PAPLN: variants seen among roughly 807,000 people sequenced by gnomAD.
The protein encoded by PAPLN is papilin, proteoglycan like sulfated glycoprotein.
A neutral mutation model predicts 159.0 loss-of-function variants in PAPLN; 146 were observed. The observed-to-expected ratio is 0.92, with a 90% CI of 0.80 to 1.05. The LOEUF (loss-of-function observed/expected upper bound fraction) is 1.05. Among genes scored for constraint, PAPLN ranks in the 50% least tolerant of loss-of-function variants. The pLI, the probability that PAPLN is intolerant of heterozygous loss-of-function variation, is 0.00. For synonymous variants in PAPLN, 734 were observed against 702.9 expected (o/e 1.04, Z -0.70); for missense variants, 1,720 against 1,743.9 (o/e 0.99, Z 0.24).
chr14:73,245,775 C>T lies in PAPLN; in HGVS notation c.231+79C>T. 1.3e-6 allele frequency: 2 copies of T among 1,499,230 alleles called. No individual in the cohort carries two copies. Among genetic ancestry groups the T allele is most frequent in the Middle Eastern group, 2.1e-4 (1 of 4,864 alleles). The allele number at this position is 1,499,230 out of a possible 1,614,324, so 92.9% of individuals were successfully genotyped here. A position where few individuals can be genotyped will look rare whatever the true frequency, so the allele number is the denominator to read the frequency against. On this transcript the variant is annotated intron_variant, in intron 4 of 26. Transcript: ENST00000644200. This position sits in a 1 kb window ranked among gnomAD's most constrained non-coding sequence, Gnocchi z 4.2. ...CGATTTCCCCATTGGGATGCCCGCT[C>T]CTGGCCGCGGGCTGCTGGGTTGGCC... is the stretch of plus-strand genomic sequence containing the variant.
chr14:73,263,876 T>A (rs533191918), intron 20 of PAPLN, 94 bp downstream of exon 20: 2 of 1,152,024 alleles, frequency 1.7e-6, no homozygotes, highest in South Asian at 2.7e-5. Context: ...CCTCCTCTGA[T>A]AGGTGTGACA....
At position 73,252,783 on chromosome 14, in the gene PAPLN, C is replaced by T; in HGVS notation, c.1094+8C>T. 1 of 1,613,020 alleles carries T rather than the reference C, an allele frequency of 6.2e-7. No individual in the cohort carries two copies. The highest frequency in any genetic ancestry group is 8.5e-7 in the Non-Finnish European group (1 of 1,179,886). On this transcript the variant is annotated splice_region_variant and intron_variant, in intron 11 of 26. Transcript: ENST00000644200. ...TTGCCCGGAGACCAAGCGGTGAGAC[C>T]TTGCCAGCCCCTCTACCCATGATGA...
chr14:73,266,795 T>C lies in PAPLN; in HGVS notation c.3464T>C (p.Val1155Ala). 6.2e-7 allele frequency: 1 copy of C among 1,613,650 alleles called. No homozygotes were observed. The change falls in exon 25 of 27, where the codon GTG becomes GCG. Residue 1155 changes from valine to alanine, a missense_variant. Val to Ala is a moderately conservative substitution (Grantham distance 64). Coordinates refer to ENST00000644200, the MANE Select transcript of PAPLN (RefSeq NM_001365906.3). ...PEGDTARLLC[V>A]VAGESVNIRW... ...GGTGATACGGCCAGGCTATTGTGTG[T>C]GGTAGCAGGAGAAAGTGTGAACATC... is the stretch of plus-strand genomic sequence containing the variant.
rs1400849281 is a variant in PAPLN at position 73,245,988 on chromosome 14, G to A, written c.232-85G>A. Reference sequence around the variant, plus strand: ...GATGGGGCAGGCAAGGGAGACTCCTGGGCTCCCTGGGCTCGGGCGGGGCGG... The same window carrying A: ...GATGGGGCAGGCAAGGGAGACTCCTAGGCTCCCTGGGCTCGGGCGGGGCGG... On this transcript the variant is annotated intron_variant, in intron 4 of 26. Coordinates refer to ENST00000644200, the MANE Select transcript of PAPLN (RefSeq NM_001365906.3). The surrounding 1 kb of genome is among the most constrained non-coding windows in gnomAD (Gnocchi z 4.2). 18 of 1,326,886 alleles carry A rather than the reference G, an allele frequency of 1.4e-5. No individual in the cohort carries two copies. The highest frequency in any genetic ancestry group is 1.8e-5 in the Non-Finnish European group (18 of 996,868). 82.2% of individuals were successfully genotyped at this position (1,326,886 alleles called of 1,614,324 possible). A position where few individuals can be genotyped will look rare whatever the true frequency, so the allele number is the denominator to read the frequency against.
At chr14:73,253,397 A>G (rs774709198) in intron 11 of PAPLN, among the ~76,000 whole-genome samples, 1 of 152,190 alleles carries the variant, frequency 6.6e-6, no homozygotes, top group Non-Finnish European at 1.5e-5. Flanking sequence ...CGCTCCACGC[A>G]TGGGTGAGCA....
Position 73,262,572 on chromosome 14 carries a change from C to T in PAPLN, c.2468C>T (p.Thr823Ile). 6.4e-7 allele frequency: 1 copy of T among 1,565,872 alleles called. No homozygotes were observed. The highest frequency in any genetic ancestry group is 1.2e-5 in the South Asian group (1 of 85,824). ...RPQPGASGRS[T>I]HTDGGGSSPA... ...CAGCCTGGGGCTTCTGGAAGGAGCACCCACACGGATGGTGGCGGCAGCAGT... is the reference window on the plus strand; with the variant it reads ...CAGCCTGGGGCTTCTGGAAGGAGCATCCACACGGATGGTGGCGGCAGCAGT... The change falls in exon 19 of 27, where the codon ACC (threonine) becomes ATC (isoleucine). Residue 823 changes from threonine to isoleucine, a missense_variant. By Grantham distance (89) the Thr-to-Ile change is moderately conservative (BLOSUM62 -1). Coordinates refer to ENST00000644200, the MANE Select transcript of PAPLN (RefSeq NM_001365906.3).
chr14:73,236,387 C>T (rs12323853), upstream of PAPLN, among the ~76,000 whole-genome samples: 1 of 152,088 alleles, frequency 6.6e-6, no homozygotes, highest in African/African-American at 2.4e-5. Flanking sequence ...CCCCATCGGC[C>T]TGGGGTGGTG....
chr14:73,269,218 C>T (rs1887485177), intron 26 of PAPLN, among the ~76,000 whole-genome samples: 2 of 151,930 alleles, frequency 1.3e-5, no homozygotes, highest in East Asian at 1.9e-4. Context: ...ATGCAGAGAG[C>T]GTAAGTGGTG....
chr14:73,254,436 G>A, intron 12 of PAPLN, 77 bp from the exon 13 acceptor site: 3 of 1,557,172 alleles, frequency 1.9e-6, no homozygotes, highest in East Asian at 2.2e-5. Context: ...CACCAGGCTG[G>A]TGGGCCGCTA....
upstream of PAPLN, among the ~76,000 whole-genome samples, chr14:73,236,752 G>C (rs1239026042): frequency 2.0e-5 from 3 of 151,616 alleles, no homozygotes; most frequent in Non-Finnish European, 4.4e-5. Flanking sequence ...GGAGGCGGAG[G>C]TTGCAGTGAG....
rs568797853 is a variant in PAPLN at position 73,254,995 on chromosome 14, C to T, written c.1604C>T (p.Thr535Met). ...SKPVDVEPCN[T>M]QPCHLPQEVP... Reference sequence around the variant, plus strand: ...CCTGTGGATGTGGAGCCTTGTAACACGCAGCCCTGTCATCTCCCCCAGGGT... The same window carrying T: ...CCTGTGGATGTGGAGCCTTGTAACATGCAGCCCTGTCATCTCCCCCAGGGT... Residue 535 changes from threonine (T) to methionine (M), a missense_variant, in exon 14 of 27, where the codon ACG becomes ATG. By Grantham distance (81) the Thr-to-Met change is moderately conservative (BLOSUM62 -1). Coordinates refer to ENST00000644200, the MANE Select transcript of PAPLN (RefSeq NM_001365906.3). 60 of 1,613,588 alleles carry T rather than the reference C, an allele frequency of 3.7e-5. No homozygotes were observed. Among genetic ancestry groups the T allele is most frequent in the Middle Eastern group, 1.7e-4 (1 of 6,060 alleles).
chr14:73,266,453 A>AG (rs1389046764), intron 23 of PAPLN, 48 bp from the exon 24 acceptor site: 1 of 1,603,470 alleles, frequency 6.2e-7, no homozygotes, highest in Non-Finnish European at 8.5e-7. Flanking sequence ...GCTGGAGGAG[A>AG]GGGGAGGCTC....
intron 23 of PAPLN, among the ~76,000 whole-genome samples, chr14:73,266,050 C>T (rs887078934): frequency 3.3e-5 from 5 of 152,206 alleles, no homozygotes; most frequent in African/African-American, 1.2e-4. Context: ...AAAAGCCAGA[C>T]ATTTTCGGCC....
intron 17 of PAPLN, 64 bp from the exon 18 acceptor site, chr14:73,261,092 G>C: frequency 6.2e-7 from 1 of 1,612,838 alleles, no homozygotes; most frequent in Non-Finnish European, 8.5e-7. Flanking sequence ...CCCCGTGGCA[G>C]CCCAGAGTCC....
rs1886305017 is a variant in PAPLN at position 73,259,412 on chromosome 14, C to T, written c.1852C>T (p.Gln618Ter). The change falls in exon 16 of 27, where the codon CAG (glutamine) becomes TAG (stop). Residue 618 changes from glutamine to a stop codon, truncating the protein, a stop_gained. Coordinates refer to ENST00000644200, the MANE Select transcript of PAPLN (RefSeq NM_001365906.3). LOFTEE classifies it high-confidence loss of function. The stretch of plus-strand genomic sequence containing the variant: ...TCCCTCTCTGCAGCAGCCCCCATAC[C>T]AGCAACCCCTGCGGTCGGGCTCAGG... ...PAPSLQQPPY[Q>*]QPLRSGSGPH... is the part of the protein sequence containing the mutation. The T allele has an allele frequency of 6.2e-7, 1 of 1,613,144 alleles. No individual in the cohort carries two copies. The highest frequency in any genetic ancestry group is 1.3e-5 in the African/African-American group (1 of 75,034).
chr14:73,253,112 A>G (rs1273675716), intron 11 of PAPLN: 1 of 1,401,036 alleles, frequency 7.1e-7, no homozygotes, highest in Non-Finnish European at 9.5e-7. Context: ...GCCAGGGGTC[A>G]GGCCAAAGGG....
rs547772621 is a variant in PAPLN at position 73,255,533 on chromosome 14, C to T, written c.1627+515C>T. Reference sequence around the variant, plus strand: ...TGCCACTTCTGCCTCTGTCTTCTTCCCTTCATCCCCATCCCACTGTGAAAG... The same window carrying T: ...TGCCACTTCTGCCTCTGTCTTCTTCTCTTCATCCCCATCCCACTGTGAAAG... On this transcript the variant is annotated intron_variant, in intron 14 of 26. Coordinates refer to ENST00000644200, the MANE Select transcript of PAPLN (RefSeq NM_001365906.3). Among the ~76,000 whole-genome samples the T allele has an allele frequency of 3.3e-5, 5 of 152,300 alleles. No homozygotes were observed. In the South Asian group the frequency reaches 1.0e-3, roughly 32 times the overall value.
Position 73,261,217 on chromosome 14 carries a change from A to G in PAPLN, c.2168A>G (p.Gln723Arg). Residue 723 changes from glutamine (Q) to arginine (R), a missense_variant, in exon 18 of 27, where the codon CAG (glutamine) becomes CGG (arginine). Gln to Arg is a conservative substitution (Grantham distance 43). Coordinates refer to ENST00000644200, the MANE Select transcript of PAPLN (RefSeq NM_001365906.3). Reference sequence around the variant, plus strand: ...GAGCCCAGTGAGTGCCGGGGCTCCCAGTTTGGCTGTTGCTATGACAACGTG... The same window carrying G: ...GAGCCCAGTGAGTGCCGGGGCTCCCGGTTTGGCTGTTGCTATGACAACGTG... ...QNEPSECRGS[Q>R]FGCCYDNVAT... is the part of the protein sequence containing the mutation. The G allele has an allele frequency of 1.2e-6, 2 of 1,614,006 alleles. No homozygotes were observed. The highest frequency in any genetic ancestry group is 1.7e-6 in the Non-Finnish European group (2 of 1,180,012).
Position 73,269,405 on chromosome 14 carries a change from A to G in PAPLN, c.3667+682A>G, listed in dbSNP as rs150358278. ...CCTTACCTCCTCTAGCTACTACTCTATCATACTTCAACAAATCCAAATTGC... is the reference window on the plus strand; with the variant it reads ...CCTTACCTCCTCTAGCTACTACTCTGTCATACTTCAACAAATCCAAATTGC... On this transcript the variant is annotated intron_variant, in intron 26 of 26. Coordinates refer to ENST00000644200, the MANE Select transcript of PAPLN (RefSeq NM_001365906.3). Among the ~76,000 whole-genome samples the G allele has an allele frequency of 3.5e-3, 525 of 152,172 alleles. 4 individuals carry two copies. The highest frequency in any genetic ancestry group is 0.012 in the African/African-American group (492 of 41,502).
Sources: allele counts gnomAD v4.1 joint callset (sites outside exome capture counted in the v4.1 genomes callset), GRCh38; gene constraint gnomAD v4.1.1; non-coding constraint Gnocchi (gnomAD v3.1); transcripts MANE v1.5; gene names NCBI Gene and HGNC (gene_info 2026-07-23, HGNC 2026-07-21).